The following SMYD3 variants were observed in gnomAD, a reference collection of about 807,000 sequenced individuals.
SMYD3 encodes the protein SET and MYND domain containing 3, also known as histone-lysine N-methyltransferase SMYD3.
A neutral mutation model predicts 57.7 loss-of-function variants in SMYD3; 36 were observed. The observed-to-expected ratio is 0.62, with a 90% CI of 0.48 to 0.82. The LOEUF (loss-of-function observed/expected upper bound fraction) is 0.82, where lower values mean the gene tolerates loss of function less well. Among genes scored for constraint, SMYD3 ranks in the 40% least tolerant of loss-of-function variants. The pLI, the probability that SMYD3 is intolerant of heterozygous loss-of-function variation, is 0.00. For synonymous variants in SMYD3, 211 were observed against 195.0 expected, an observed-to-expected ratio of 1.08 and a Z score of -0.68; for missense variants, 515 against 538.8, an observed-to-expected ratio of 0.96 and a Z score of 0.44.
At chr1:245,884,944 C>G (rs1033357003) in intron 8 of SMYD3, among the ~76,000 whole-genome samples, 14 of 152,138 alleles carry the variant, frequency 9.2e-5, no homozygotes, top group African/African-American at 2.7e-4. Flanking sequence ...GCTGTGGAAG[C>G]TTTGTTCTTT....
At chr1:245,978,079 G>A (rs1027144547) in intron 5 of SMYD3, among the ~76,000 whole-genome samples, 14 of 152,220 alleles carry the variant, frequency 9.2e-5, no homozygotes, top group Non-Finnish European at 1.8e-4. Flanking sequence ...CTATACACCA[G>A]CACGCCTGGC....
chr1:246,015,395 T>C (rs2059360524), intron 5 of SMYD3, among the ~76,000 whole-genome samples: 1 of 152,224 alleles, frequency 6.6e-6, no homozygotes, highest in Non-Finnish European at 1.5e-5. Flanking sequence ...CTGAATGTTC[T>C]ACCATCTAAC....
intron 7 of SMYD3, among the ~76,000 whole-genome samples, chr1:245,927,564 C>A (rs530128118): frequency 2.0e-5 from 3 of 152,064 alleles, no homozygotes; most frequent in Non-Finnish European, 2.9e-5. Flanking sequence ...GGATGCCCCC[C>A]CCTGCCCACG....
intron 5 of SMYD3, among the ~76,000 whole-genome samples, chr1:245,950,644 TATC>T (rs1211849278): frequency 6.6e-6 from 1 of 152,244 alleles, no homozygotes; most frequent in East Asian, 1.9e-4. Context: ...TAGAATATGC[TATC>T]ATATGTCACT....
chr1:246,188,683 A>G lies in SMYD3; in HGVS notation c.531+138518T>C, dbSNP rs553430390. Reference sequence around the variant, plus strand: ...ATGCTTCTTTAAGAGGTCTGGGGCCAGGCGTGGTGGCTCATGCCTGTAATC... The same window carrying G: ...ATGCTTCTTTAAGAGGTCTGGGGCCGGGCGTGGTGGCTCATGCCTGTAATC... On this transcript the variant is annotated intron_variant, in intron 5 of 11. Transcript: ENST00000490107. Among the ~76,000 whole-genome samples the G allele has an allele frequency of 1.4e-4, 22 of 152,094 alleles. No homozygotes were observed. In the South Asian group the frequency reaches 4.0e-3, roughly 28 times the overall value.
chr1:246,506,433 A>AT (rs2068539186), intron 1 of SMYD3, among the ~76,000 whole-genome samples: 1 of 152,052 alleles, frequency 6.6e-6, no homozygotes, highest in South Asian at 2.1e-4. Flanking sequence ...CAGCACATTA[A>AT]TTGCCCCTCT....
chr1:246,183,577 T>C (rs772993288), intron 5 of SMYD3, among the ~76,000 whole-genome samples: 3 of 151,968 alleles, frequency 2.0e-5, no homozygotes, highest in Non-Finnish European at 4.4e-5. Context: ...TAGGGGAGTA[T>C]GTCCAGCACC....
rs555903148 is a variant in SMYD3 at position 246,266,463 on chromosome 1, C to T, written c.531+60738G>A. Among the ~76,000 whole-genome samples, 3 of 152,162 alleles carry T rather than the reference C, an allele frequency of 2.0e-5. No homozygotes were observed. The South Asian group carries it at 6.2e-4, about 32-fold the overall frequency. On this transcript the variant is annotated intron_variant, in intron 5 of 11. Coordinates refer to ENST00000490107, the MANE Select transcript of SMYD3 (RefSeq NM_001167740.2). ...TGTTTTGGTATGCCGATAGTGAAGT[C>T]TTATTCATCTTTATATGTTCCAACG...
At chr1:246,419,020 C>A (rs2067103780) in intron 1 of SMYD3, among the ~76,000 whole-genome samples, 1 of 151,696 alleles carries the variant, frequency 6.6e-6, no homozygotes, top group Admixed American at 6.6e-5. Flanking sequence ...GACAATACCC[C>A]CTCCCCGCCC....
chr1:245,939,914 G>C lies in SMYD3; in HGVS notation c.532-9977C>G, dbSNP rs552814154. 3.9e-5 allele frequency among the ~76,000 whole-genome samples: 6 copies of C among 152,306 alleles called. No homozygotes were observed. In the East Asian group the frequency reaches 9.7e-4, roughly 25 times the overall value. On this transcript the variant is annotated intron_variant, in intron 5 of 11. Transcript: ENST00000490107. ...GGGAGGCCTTCATGTCATTGAAAAA[G>C]AAGAAGAGAGAGGGACAGCTGCAAT...
intron 5 of SMYD3, among the ~76,000 whole-genome samples, chr1:246,132,209 C>T (rs2061599198): frequency 6.6e-6 from 1 of 151,954 alleles, no homozygotes; most frequent in African/African-American, 2.4e-5. Flanking sequence ...AAAAGCTTTA[C>T]AAGAAACTCA....
intron 8 of SMYD3, among the ~76,000 whole-genome samples, chr1:245,892,361 T>C (rs1462115489): frequency 6.6e-6 from 1 of 152,220 alleles, no homozygotes; most frequent in Non-Finnish European, 1.5e-5. Flanking sequence ...AATTATCTAA[T>C]TGAACCCTTA....
intron 5 of SMYD3, among the ~76,000 whole-genome samples, chr1:246,299,261 C>T (rs939981760): frequency 6.6e-6 from 1 of 152,104 alleles, no homozygotes; most frequent in Non-Finnish European, 1.5e-5. Context: ...CATCACTGAT[C>T]ATTAGAGAAA....
chr1:246,373,059 T>G (rs1431449409), intron 1 of SMYD3, among the ~76,000 whole-genome samples: 1 of 152,114 alleles, frequency 6.6e-6, no homozygotes, highest in Admixed American at 6.6e-5. Context: ...CAAAAGGAAT[T>G]TTCATATCAC....
At chr1:246,454,693 T>G (rs754982334) in intron 1 of SMYD3, among the ~76,000 whole-genome samples, 14 of 152,198 alleles carry the variant, frequency 9.2e-5, no homozygotes, top group Non-Finnish European at 1.9e-4. Flanking sequence ...ACTAATTAAT[T>G]TCAGTAACCA....
chr1:245,796,837 C>T (rs760149213), intron 10 of SMYD3, among the ~76,000 whole-genome samples: 2 of 152,208 alleles, frequency 1.3e-5, no homozygotes, highest in African/African-American at 4.8e-5. Context: ...ACTGCAACCA[C>T]CTGTTGAAGC....
chr1:245,912,417 AATG>A (rs1471286528), intron 8 of SMYD3, among the ~76,000 whole-genome samples: 4 of 152,202 alleles, frequency 2.6e-5, no homozygotes, highest in Non-Finnish European at 4.4e-5. Flanking sequence ...AATATTGTTA[AATG>A]ATGATACTAT....
At chr1:246,379,843 T>C (rs1558434425) in intron 1 of SMYD3, among the ~76,000 whole-genome samples, 1 of 151,638 alleles carries the variant, frequency 6.6e-6, no homozygotes, top group Non-Finnish European at 1.5e-5. Flanking sequence ...CCACTGAAAA[T>C]ACAAAAATTA....
chr1:246,290,812 T>C (rs886317197), intron 5 of SMYD3, among the ~76,000 whole-genome samples: 1 of 152,100 alleles, frequency 6.6e-6, no homozygotes, highest in African/African-American at 2.4e-5. Context: ...CATAATTAAA[T>C]ACACACAATC....
Sources: allele counts gnomAD v4.1 joint callset (sites outside exome capture counted in the v4.1 genomes callset), GRCh38; gene constraint gnomAD v4.1.1; transcripts MANE v1.5; gene names NCBI Gene and HGNC (gene_info 2026-07-23, HGNC 2026-07-21).